The following CD99 variants were observed in gnomAD, a reference collection of about 807,000 sequenced individuals.
The protein encoded by CD99 is CD99 antigen.
In CD99, 19 loss-of-function variants were observed where a neutral mutation model predicts 28.4. That is an observed-to-expected ratio of 0.67 (90% CI 0.47 to 0.98). The LOEUF (loss-of-function observed/expected upper bound fraction) is 0.98. Among genes scored for constraint, CD99 ranks in the 50% least tolerant of loss-of-function variants. The probability of loss-of-function intolerance (pLI) is 0.00; values close to 1 mark genes in which losing one functional copy is unlikely to be tolerated. For synonymous variants in CD99, 103 were observed against 92.1 expected, an observed-to-expected ratio of 1.12 and a Z score of -0.67; for missense variants, 283 against 248.8, an observed-to-expected ratio of 1.14 and a Z score of -0.92.
intron 1 of CD99, among the ~76,000 whole-genome samples, chrX:2,705,404 T>C (rs2048068187): frequency 6.6e-6 from 1 of 152,246 alleles, no homozygotes; most frequent in Admixed American, 6.5e-5. Context: ...AGCTCTTTTC[T>C]GTAATTTTAC....
intron 8 of CD99, among the ~76,000 whole-genome samples, chrX:2,736,095 G>T (rs770484605): frequency 8.6e-5 from 13 of 151,748 alleles, no homozygotes; most frequent in African/African-American, 3.2e-4. Context: ...CCAGCTACTC[G>T]GGAGGCTGAG....
At chrX:2,730,842 A>G (rs1314578036) in intron 8 of CD99, among the ~76,000 whole-genome samples, 2 of 150,156 alleles carry the variant, frequency 1.3e-5, no homozygotes, top group African/African-American at 4.9e-5. Context: ...GAGGCAGGGA[A>G]TTGCTTGAAC....
chrX:2,721,845 T>A (rs975789445), intron 5 of CD99, among the ~76,000 whole-genome samples: 3 of 152,216 alleles, frequency 2.0e-5, no homozygotes, highest in African/African-American at 7.2e-5. Flanking sequence ...GAATTATGAA[T>A]TAACAAAGCA....
intron 9 of CD99, among the ~76,000 whole-genome samples, chrX:2,738,632 A>G (rs1223970503): frequency 6.6e-6 from 1 of 151,844 alleles, no homozygotes; most frequent in Non-Finnish European, 1.5e-5. Context: ...GGCTGAGGCA[A>G]GAGAACTGCT....
At chrX:2,720,450 GTCT>G in intron 5 of CD99, 26 bp downstream of exon 5, 1 of 1,602,886 alleles carries the variant, frequency 6.2e-7, no homozygotes, top group African/African-American at 1.3e-5. Flanking sequence ...CCTGTGGGAT[GTCT>G]TCATGTTGTT....
intron 4 of CD99, among the ~76,000 whole-genome samples, 194 bp from the exon 5 acceptor site, chrX:2,720,162 A>G (rs1290849384): frequency 6.6e-6 from 1 of 152,198 alleles, no homozygotes; most frequent in Non-Finnish European, 1.5e-5. Context: ...TTTATTAAAC[A>G]TAGTTGACAT....
chrX:2,696,365 G>C (rs900745653), intron 1 of CD99, among the ~76,000 whole-genome samples: 1 of 152,250 alleles, frequency 6.6e-6, no homozygotes, highest in East Asian at 1.9e-4. Flanking sequence ...GCTGCAGGCT[G>C]TCCAGGGCTT....
chrX:2,704,862 G>A (rs928950827), intron 1 of CD99, among the ~76,000 whole-genome samples: 2 of 152,164 alleles, frequency 1.3e-5, no homozygotes, highest in African/African-American at 2.4e-5. Flanking sequence ...CCATGGGAGT[G>A]CGTCACAACA....
At chrX:2,725,845 TCA>T (rs2049252237) in intron 7 of CD99, among the ~76,000 whole-genome samples, 1 of 152,184 alleles carries the variant, frequency 6.6e-6, no homozygotes, top group Non-Finnish European at 1.5e-5. Flanking sequence ...ACTCCTGACC[TCA>T]GGCGATTCAC....
Position 2,741,127 on chromosome X carries a change from T to G in CD99, c.*323T>G, listed in dbSNP as rs1349426906. On this transcript the variant is annotated 3_prime_UTR_variant, in exon 10 of 10. Coordinates refer to ENST00000381192, the MANE Select transcript of CD99 (RefSeq NM_002414.5). The stretch of plus-strand genomic sequence containing the variant: ...TCAACCCCACCGAGGCACCCCCCCG[T>G]CCCCCAGAATCTTGGCTGTTTACAA... The G allele has an allele frequency of 8.0e-6, 3 of 373,766 alleles. No homozygotes were observed. The highest frequency in any genetic ancestry group is 4.1e-5 in the African/African-American group (2 of 48,404). The allele number at this position is 373,766 out of a possible 1,614,324, so 23.2% of individuals were successfully genotyped here.
At chrX:2,739,817 T>G (rs2050114586) in intron 9 of CD99, among the ~76,000 whole-genome samples, 1 of 150,044 alleles carries the variant, frequency 6.7e-6, no homozygotes, top group Admixed American at 6.6e-5. Flanking sequence ...GGCTAATGCC[T>G]GTAGTCCCAG....
chrX:2,692,360 G>T (rs773860971), intron 1 of CD99: 48 of 179,688 alleles, frequency 2.7e-4, no homozygotes, highest in South Asian at 1.7e-3. Flanking sequence ...ATCAGGGCTG[G>T]ACGTATTTAG....
At chrX:2,717,952 TTTTTTTGA>T in intron 3 of CD99, 4 of 371,604 alleles carry the variant, frequency 1.1e-5, no homozygotes, top group Non-Finnish European at 1.5e-5. Context: ...TTTTTTTTTT[TTTTTTTGA>T]GATGGCGTTT....
intron 8 of CD99, chrX:2,733,463 A>C: frequency 1.5e-6 from 2 of 1,374,592 alleles, no homozygotes; most frequent in South Asian, 1.3e-5. Flanking sequence ...AAACCCTTCC[A>C]TCTGCCGCTC....
chrX:2,724,150 A>G (rs57729788), intron 7 of CD99, among the ~76,000 whole-genome samples: 5,022 of 152,226 alleles, frequency 0.033, 303 homozygotes, highest in African/African-American at 0.12. Flanking sequence ...ACCTAGGACT[A>G]CAAGGTCATT....
At chrX:2,733,474 C>T in intron 8 of CD99, 1 of 1,290,692 alleles carries the variant, frequency 7.7e-7, no homozygotes, top group Non-Finnish European at 1.1e-6. Flanking sequence ...TCTGCCGCTC[C>T]CCTCGCCCTG....
rs190130987 is a variant in CD99, at chrX:2,713,232, A to G, written c.68-1190A>G. On this transcript the variant is annotated intron_variant, in intron 1 of 9. Transcript: ENST00000381192. The stretch of plus-strand genomic sequence containing the variant: ...CACATACATGCATCCATAGGCACAC[A>G]GAAACACACCTACACACTGTGCACA... Among the ~76,000 whole-genome samples, 1,228 of 152,010 alleles carry G rather than the reference A, an allele frequency of 8.1e-3. 69 individuals are homozygous for G. The East Asian group carries it at 0.16, about 19-fold the overall frequency.
chrX:2,694,718 A>T (rs1173727720), intron 1 of CD99, among the ~76,000 whole-genome samples: 1 of 151,858 alleles, frequency 6.6e-6, no homozygotes, highest in Non-Finnish European at 1.5e-5. Context: ...GTGTCACCGC[A>T]TTATGGCCTG....
At chrX:2,723,255 CTG>C in intron 6 of CD99, 57 bp from the exon 7 acceptor site, 4 of 1,563,286 alleles carry the variant, frequency 2.6e-6, no homozygotes, top group Non-Finnish European at 3.5e-6. Flanking sequence ...ACGGTCCTGG[CTG>C]TGAATTTTTC....
Sources: allele counts gnomAD v4.1 joint callset (sites outside exome capture counted in the v4.1 genomes callset), GRCh38; gene constraint gnomAD v4.1.1; transcripts MANE v1.5; gene names NCBI Gene and HGNC (gene_info 2026-07-23, HGNC 2026-07-21).